Variants in PDSS2 observed in about 807,000 individuals in gnomAD.
The protein encoded by PDSS2 is decaprenyl diphosphate synthase subunit 2.
A neutral mutation model predicts 44.5 loss-of-function variants in PDSS2; 31 were observed. The observed-to-expected ratio is 0.70, with a 90% CI of 0.52 to 0.94. The LOEUF is 0.94. Ranked by LOEUF, PDSS2 falls within the 40% of genes least tolerant of loss-of-function variation. The probability of loss-of-function intolerance (pLI) is 0.00; values close to 1 mark genes in which losing one functional copy is unlikely to be tolerated. For missense variants in PDSS2, 452 were observed against 482.2 expected, an observed-to-expected ratio of 0.94 and a Z score of 0.59; for synonymous variants, 157 against 180.3, an observed-to-expected ratio of 0.87 and a Z score of 1.03.
chr6:107,362,898 C>T lies in PDSS2; in HGVS notation c.297-28566G>A, dbSNP rs143392847. ...TTTAATAACTGAAATGAAAATATCA[C>T]CAGAGAGTGCAATAGAGGATGTGAA... On this transcript the variant is annotated intron_variant, in intron 1 of 7. Transcript: ENST00000369037. 2.9e-3 allele frequency among the ~76,000 whole-genome samples: 439 copies of T among 152,018 alleles called. 4 individuals carry two copies. The highest frequency in any genetic ancestry group is 0.01 in the African/African-American group (422 of 41,474).
Position 107,156,214 on chromosome 6 carries a change from T to TC in PDSS2, c.1042-1438dup, listed in dbSNP as rs1554245608. On this transcript the variant is annotated intron_variant, in intron 7 of 7. Coordinates refer to ENST00000369037, the MANE Select transcript of PDSS2 (RefSeq NM_020381.4). ...CTGAATGCTTTTTTTTTTTTTTTTT[T>TC]CCTGAGATGGAGTCTCGCTCTGTCA... 1.1e-4 allele frequency among the ~76,000 whole-genome samples: 17 copies of TC among 148,474 alleles called. 1 individual carries two copies. Among genetic ancestry groups the TC allele is most frequent in the Admixed American group, 8.0e-4 (12 of 14,910 alleles).
chr6:107,210,359 A>C, intron 6 of PDSS2, 80 bp downstream of exon 6: 1 of 1,060,382 alleles, frequency 9.4e-7, no homozygotes, highest in Non-Finnish European at 1.5e-6. Context: ...CTATAGCCAT[A>C]TATCACCAAG....
chr6:107,189,221 T>TG (rs1772283101), intron 7 of PDSS2, among the ~76,000 whole-genome samples: 1 of 152,168 alleles, frequency 6.6e-6, no homozygotes, highest in Non-Finnish European at 1.5e-5. Flanking sequence ...CTAATTTTTG[T>TG]ATTTTTTTTA....
chr6:107,311,563 T>A (rs575473544), intron 2 of PDSS2, among the ~76,000 whole-genome samples: 74 of 152,204 alleles, frequency 4.9e-4, no homozygotes, highest in African/African-American at 1.7e-3. Flanking sequence ...ACAATTTTGA[T>A]AGGATGTGGG....
chr6:107,294,038 A>G (rs945404738), intron 2 of PDSS2, among the ~76,000 whole-genome samples: 1 of 152,142 alleles, frequency 6.6e-6, no homozygotes, highest in African/African-American at 2.4e-5. Flanking sequence ...TGAAGGCTGC[A>G]TGCTAAATGG....
In PDSS2 at chr6:107,221,158, C is replaced by T. The variant is rs995233723; in HGVS notation, c.703-8876G>A. Among the ~76,000 whole-genome samples, 2 of 152,094 alleles carry T rather than the reference C, an allele frequency of 1.3e-5. 1 individual carries two copies. The highest frequency in any genetic ancestry group is 4.2e-4 in the South Asian group (2 of 4,812). ...GAGATTGAGACCATCCTGGCTAACA[C>T]GGTGAAACCCCGTCTCTACCAAAAA... On this transcript the variant is annotated intron_variant, in intron 4 of 7. Coordinates refer to ENST00000369037, the MANE Select transcript of PDSS2 (RefSeq NM_020381.4).
At chr6:107,174,966 GCA>G (rs1163017322) in intron 7 of PDSS2, among the ~76,000 whole-genome samples, 1 of 152,194 alleles carries the variant, frequency 6.6e-6, no homozygotes, top group Non-Finnish European at 1.5e-5. Context: ...AGGAATCCCA[GCA>G]CTTTGGGAGG....
At chr6:107,248,063 T>A (rs2114816903) in intron 3 of PDSS2, among the ~76,000 whole-genome samples, 1 of 152,064 alleles carries the variant, frequency 6.6e-6, no homozygotes, top group South Asian at 2.1e-4. Context: ...CACCCTTCCT[T>A]AAAACTGCAA....
intron 4 of PDSS2, among the ~76,000 whole-genome samples, chr6:107,232,286 G>A (rs921705902): frequency 8.6e-5 from 13 of 151,868 alleles, no homozygotes; most frequent in South Asian, 4.2e-4. Context: ...CTGCAGCCTC[G>A]AACTCCTGGC....
At chr6:107,272,084 C>CA (rs58296849) in intron 3 of PDSS2, among the ~76,000 whole-genome samples, 17,963 of 128,634 alleles carry the variant, frequency 0.14, 1,217 homozygotes, top group East Asian at 0.19. Context: ...AAAAAAGAAA[C>CA]AAAAAAAAAA....
intron 1 of PDSS2, among the ~76,000 whole-genome samples, chr6:107,448,486 A>G (rs1781761458): frequency 1.3e-5 from 2 of 152,186 alleles, no homozygotes; most frequent in South Asian, 4.1e-4. Flanking sequence ...CCTTTACTCC[A>G]GTTCCCAACA....
chr6:107,357,074 G>A lies in PDSS2; in HGVS notation c.297-22742C>T, dbSNP rs182992598. ...CCTATTAAAGAGAATAAGTGTGTCT[G>A]GCAGAATTCTAGAGATGACAGAAAA... is the stretch of plus-strand genomic sequence containing the variant. On this transcript the variant is annotated intron_variant, in intron 1 of 7. Coordinates refer to ENST00000369037, the MANE Select transcript of PDSS2 (RefSeq NM_020381.4). Among the ~76,000 whole-genome samples, 12 of 152,220 alleles carry A rather than the reference G, an allele frequency of 7.9e-5. No individual in the cohort carries two copies. The East Asian group carries it at 2.1e-3, about 27-fold the overall frequency.
At chr6:107,165,499 G>T (rs1486722346) in intron 7 of PDSS2, among the ~76,000 whole-genome samples, 3 of 151,988 alleles carry the variant, frequency 2.0e-5, no homozygotes, top group Non-Finnish European at 4.4e-5. Context: ...ATTTCTGAGG[G>T]CTCTGTTCTG....
At chr6:107,389,333 G>A (rs926339606) in intron 1 of PDSS2, among the ~76,000 whole-genome samples, 11 of 151,970 alleles carry the variant, frequency 7.2e-5, no homozygotes, top group African/African-American at 9.7e-5. Flanking sequence ...GAGAATATGG[G>A]GGAAAAAAAG....
chr6:107,310,591 T>C (rs1777013471), intron 2 of PDSS2, among the ~76,000 whole-genome samples: 2 of 152,184 alleles, frequency 1.3e-5, no homozygotes. Flanking sequence ...CAAACCACTG[T>C]CTTGTCTTTG....
In PDSS2 at chr6:107,201,390, C is replaced by CAAAAAAAAAAAAAAAAAA. The variant is rs747612959; in HGVS notation, c.1009-7554_1009-7537dup. Among the ~76,000 whole-genome samples, 5 of 52,150 alleles carry CAAAAAAAAAAAAAAAAAA rather than the reference C, an allele frequency of 9.6e-5. 1 individual carries two copies. Among genetic ancestry groups the CAAAAAAAAAAAAAAAAAA allele is most frequent in the African/African-American group, 2.0e-4 (2 of 10,250 alleles). The allele number at this position is 52,150 out of a possible 152,430, so 34.2% of individuals were successfully genotyped here. A position where few individuals can be genotyped will look rare whatever the true frequency, so the allele number is the denominator to read the frequency against. The stretch of plus-strand genomic sequence containing the variant: ...TGTAAAACAATATTCCATACAAAAG[C>CAAAAAAAAAAAAAAAAAA]AAAAAAAAAAAAAAAAAAAAAAAAG... On this transcript the variant is annotated intron_variant, in intron 6 of 7. Coordinates refer to ENST00000369037, the MANE Select transcript of PDSS2 (RefSeq NM_020381.4).
intron 1 of PDSS2, among the ~76,000 whole-genome samples, chr6:107,397,180 ATTT>A (rs10534330): frequency 9.4e-4 from 139 of 147,604 alleles, no homozygotes; most frequent in Middle Eastern, 3.4e-3. Flanking sequence ...GGGTCCTGAG[ATTT>A]TTTTTTTTTT....
At chr6:107,188,425 G>A (rs1299045757) in intron 7 of PDSS2, among the ~76,000 whole-genome samples, 2 of 151,930 alleles carry the variant, frequency 1.3e-5, no homozygotes, top group Non-Finnish European at 2.9e-5. Flanking sequence ...TGTCGGTTGG[G>A]TGAAGGAGTG....
chr6:107,298,649 ATG>A (rs1776591236), intron 2 of PDSS2, among the ~76,000 whole-genome samples: 1 of 152,216 alleles, frequency 6.6e-6, no homozygotes, highest in South Asian at 2.1e-4. Flanking sequence ...GTATGCATAT[ATG>A]TGTGTGTATA....
Sources: gnomAD v4.1 joint callset for allele counts (sites outside exome capture counted in the v4.1 genomes callset) on GRCh38, gnomAD v4.1.1 for gene constraint, MANE v1.5 for transcripts, NCBI Gene and HGNC (gene_info 2026-07-23, HGNC 2026-07-21) for gene names.